The following DLGAP2 variants were observed in gnomAD, a reference collection of about 807,000 sequenced individuals.
DLGAP2 encodes the protein disks large-associated protein 2.
DLGAP2 carries 26 observed loss-of-function variants against 100.3 expected under a neutral mutation model. That is an observed-to-expected ratio of 0.26 (90% CI 0.19 to 0.36). The LOEUF is 0.36. DLGAP2 is among the 10% of genes least tolerant of loss of function. The pLI is 1.00. For missense variants in DLGAP2, 1,858 were observed against 1,453.2 expected, an observed-to-expected ratio of 1.28 and a Z score of -4.53; for synonymous variants, 886 against 630.1, an observed-to-expected ratio of 1.41 and a Z score of -6.08.
Position 1,283,006 on chromosome 8 carries a change from G to A in DLGAP2, c.106+24123G>A, listed in dbSNP as rs375887344. Among the ~76,000 whole-genome samples, 921 of 130,068 alleles carry A rather than the reference G, an allele frequency of 7.1e-3. 2 individuals carry two copies. The highest frequency in any genetic ancestry group is 0.011 in the Non-Finnish European group (700 of 61,184). The allele number at this position is 130,068 out of a possible 152,430, so 85.3% of individuals were successfully genotyped here. ...CTGAATCCAGCCCCCTGAACCATAC[G>A]GACATGGTGTGACCTGAGCCCAGCA... is the stretch of plus-strand genomic sequence containing the variant. On this transcript the variant is annotated intron_variant, in intron 3 of 14. Coordinates refer to ENST00000637795, the MANE Select transcript of DLGAP2 (RefSeq NM_001346810.2).
At chr8:972,390 T>G (rs981908703) in intron 2 of DLGAP2, among the ~76,000 whole-genome samples, 1 of 152,042 alleles carries the variant, frequency 6.6e-6, no homozygotes, top group African/African-American at 2.4e-5. Flanking sequence ...GGAAAAAAAG[T>G]GGACACTGAC....
intron 4 of DLGAP2, among the ~76,000 whole-genome samples, chr8:1,506,321 G>A (rs547623024): frequency 6.6e-6 from 1 of 152,306 alleles, no homozygotes; most frequent in Admixed American, 6.5e-5. Flanking sequence ...AGAAATAGCG[G>A]AAGTGTATTA....
intron 4 of DLGAP2, among the ~76,000 whole-genome samples, 168 bp from the exon 5 acceptor site, chr8:1,548,458 G>GAAAAAAA (rs773138776): frequency 4.8e-5 from 2 of 41,582 alleles, no homozygotes; most frequent in Non-Finnish European, 8.5e-5. Flanking sequence ...GACTGTCTCA[G>GAAAAAAA]AAAAAAAAAA....
intron 2 of DLGAP2, among the ~76,000 whole-genome samples, chr8:1,235,395 C>G (rs970904640): frequency 1.3e-5 from 2 of 149,618 alleles, no homozygotes; most frequent in African/African-American, 2.5e-5. Flanking sequence ...GGCGTTGTGT[C>G]TCGTTCTCTC....
intron 3 of DLGAP2, among the ~76,000 whole-genome samples, chr8:1,336,242 G>A (rs1801270311): frequency 1.3e-5 from 2 of 152,330 alleles, no homozygotes; most frequent in South Asian, 4.1e-4. Flanking sequence ...TTATTTTGAA[G>A]ATGCTGATTC....
intron 3 of DLGAP2, among the ~76,000 whole-genome samples, chr8:1,367,091 T>A (rs1218274711): frequency 6.6e-6 from 1 of 151,830 alleles, no homozygotes; most frequent in Non-Finnish European, 1.5e-5. Flanking sequence ...CGTAGCAACC[T>A]TTCCAACACA....
At chr8:1,000,951 C>T (rs1800938228) in intron 2 of DLGAP2, among the ~76,000 whole-genome samples, 1 of 152,136 alleles carries the variant, frequency 6.6e-6, no homozygotes. Flanking sequence ...AACTCCCCTC[C>T]AGGGATTTCC....
chr8:950,622 C>CTT (rs34631994), intron 2 of DLGAP2, among the ~76,000 whole-genome samples: 35 of 130,484 alleles, frequency 2.7e-4, no homozygotes, highest in South Asian at 7.4e-4. Context: ...TTTTCTTTTT[C>CTT]TTTTTTTTTT....
At chr8:1,565,391 C>T (rs185622904) in intron 5 of DLGAP2, 140 of 325,540 alleles carry the variant, frequency 4.3e-4, no homozygotes, top group African/African-American at 2.8e-3. Flanking sequence ...AAATTTTAGC[C>T]AGTGCTTTGT....
intron 3 of DLGAP2, among the ~76,000 whole-genome samples, chr8:1,288,958 T>G (rs1799999782): frequency 6.6e-6 from 1 of 152,190 alleles, no homozygotes; most frequent in Non-Finnish European, 1.5e-5. Context: ...ACTTAGAAAA[T>G]GCAAGTCATT....
At chr8:1,336,564 G>C (rs903183048) in intron 3 of DLGAP2, among the ~76,000 whole-genome samples, 3 of 152,216 alleles carry the variant, frequency 2.0e-5, no homozygotes, top group African/African-American at 4.8e-5. Context: ...GCTGGGGTCT[G>C]GGCTTGGCAC....
At chr8:1,281,143 A>T (rs914941556) in intron 3 of DLGAP2, among the ~76,000 whole-genome samples, 1 of 152,216 alleles carries the variant, frequency 6.6e-6, no homozygotes, top group African/African-American at 2.4e-5. Flanking sequence ...TAATTGCTTA[A>T]TTTTTAAAAA....
At chr8:1,641,221 G>T (rs1202469355) in intron 8 of DLGAP2, among the ~76,000 whole-genome samples, 1 of 152,186 alleles carries the variant, frequency 6.6e-6, no homozygotes, top group African/African-American at 2.4e-5. Flanking sequence ...TTTGCAGAAG[G>T]CGAGCGTGAT....
chr8:1,290,583 C>A (rs534306117), intron 3 of DLGAP2, among the ~76,000 whole-genome samples: 2 of 152,274 alleles, frequency 1.3e-5, no homozygotes, highest in South Asian at 4.1e-4. Context: ...ACAAGTGCTC[C>A]CATGGGGAGA....
chr8:1,211,443 G>T (rs7840420), intron 2 of DLGAP2, among the ~76,000 whole-genome samples: 83,638 of 152,162 alleles, frequency 0.55, 25,356 homozygotes, highest in African/African-American at 0.82. Context: ...AGCTGTTGGA[G>T]TTTCAATTAA....
chr8:1,135,900 C>T (rs1796400547), intron 2 of DLGAP2, among the ~76,000 whole-genome samples: 2 of 152,172 alleles, frequency 1.3e-5, no homozygotes, highest in South Asian at 4.1e-4. Context: ...CGTGTAATCA[C>T]AAGCAATCAT....
chr8:1,018,666 A>G (rs1451444458), intron 2 of DLGAP2: 1 of 152,246 alleles, frequency 6.6e-6, no homozygotes, highest in Non-Finnish European at 1.5e-5. Flanking sequence ...TGTGATATTT[A>G]AACAAAGTTC....
intron 1 of DLGAP2, among the ~76,000 whole-genome samples, chr8:855,804 G>C (rs533515522): frequency 6.6e-6 from 1 of 152,198 alleles, no homozygotes; most frequent in African/African-American, 2.4e-5. Context: ...GAGAAGTCCT[G>C]TGGTCATATT....
chr8:1,112,467 C>A (rs149370213), intron 2 of DLGAP2, among the ~76,000 whole-genome samples: 5,693 of 152,168 alleles, frequency 0.037, 327 homozygotes, highest in African/African-American at 0.13. Context: ...GTCTCGATCT[C>A]CTCACCTCAT....
Sources: allele counts gnomAD v4.1 joint callset (sites outside exome capture counted in the v4.1 genomes callset), GRCh38; gene constraint gnomAD v4.1.1; transcripts MANE v1.5; gene names NCBI Gene and HGNC (gene_info 2026-07-23, HGNC 2026-07-21).